NPL: variants seen among roughly 807,000 people sequenced by gnomAD.
The protein encoded by NPL is N-acetylneuraminate lyase.
A neutral mutation model predicts 41.1 loss-of-function variants in NPL; 32 were observed. The observed-to-expected ratio is 0.78, with a 90% CI of 0.59 to 1.05. NPL has a LOEUF of 1.05. Among genes scored for constraint, NPL ranks in the 50% least tolerant of loss-of-function variants. NPL has a pLI of 0.00. For synonymous variants in NPL, 128 were observed against 134.9 expected, an observed-to-expected ratio of 0.95 and a Z score of 0.35; for missense variants, 321 against 378.4, an observed-to-expected ratio of 0.85 and a Z score of 1.26.
chr1:182,816,057 C>G (rs1178102939), intron 7 of NPL, among the ~76,000 whole-genome samples: 2 of 152,184 alleles, frequency 1.3e-5, no homozygotes, highest in Admixed American at 1.3e-4. Flanking sequence ...TAAAATTCTC[C>G]TATTACCCAG....
At chr1:182,798,233 C>CTTT (rs58974453) in intron 3 of NPL, among the ~76,000 whole-genome samples, 17 of 130,008 alleles carry the variant, frequency 1.3e-4, no homozygotes, top group Admixed American at 3.9e-4. Flanking sequence ...GAAAGACTTG[C>CTTT]TTTTTTTTTT....
Position 182,830,239 on chromosome 1 carries a change from TG to T in NPL, c.*1332del, listed in dbSNP as rs1317001082. On this transcript the variant is annotated 3_prime_UTR_variant, in exon 13 of 13. Transcript: ENST00000367553. ...ATATCCTCAACCCTCTTTTTGCCTT[TG>T]TAGCTTTTAATTTCCTGAAAGAAGA... The T allele has an allele frequency of 1.3e-5, 2 of 152,264 alleles. No homozygotes were observed. The highest frequency in any genetic ancestry group is 4.8e-5 in the African/African-American group (2 of 41,466). 9.4% of individuals were successfully genotyped at this position (152,264 alleles called of 1,614,324 possible).
At chr1:182,823,310 A>G (rs2102566929) in intron 11 of NPL, among the ~76,000 whole-genome samples, 1 of 152,318 alleles carries the variant, frequency 6.6e-6, no homozygotes, top group South Asian at 2.1e-4. Context: ...TCAGAAGTAC[A>G]AAGTATCCTG....
In NPL at chr1:182,807,808, G is replaced by A. The variant is rs563151104; in HGVS notation, c.230+1576G>A. Among the ~76,000 whole-genome samples the A allele has an allele frequency of 1.8e-3, 264 of 149,928 alleles. 1 individual carries two copies. Among genetic ancestry groups the A allele is most frequent in the Middle Eastern group, 3.4e-3 (1 of 292 alleles). On this transcript the variant is annotated intron_variant, in intron 5 of 12. Transcript: ENST00000367553. ...CAGGAGGCTGAGGCAGGAGAATGGC[G>A]TGAACCTGGGAGGTGGAGCTTGCAA...
At position 182,792,713 on chromosome 1, in the gene NPL, G is replaced by A. The variant is rs138804248; in HGVS notation, c.-17+427G>A. On this transcript the variant is annotated intron_variant, in intron 2 of 12. Transcript: ENST00000367553. ...CAGAGCAAAGCTACATGCAGGACTTGGTCTTGATTTTAGGAGCAACTCTTG... is the reference window on the plus strand; with the variant it reads ...CAGAGCAAAGCTACATGCAGGACTTAGTCTTGATTTTAGGAGCAACTCTTG... Among the ~76,000 whole-genome samples, 1,078 of 152,308 alleles carry A rather than the reference G, an allele frequency of 7.1e-3. 5 individuals are homozygous for A. Among genetic ancestry groups the A allele is most frequent in the Middle Eastern group, 0.024 (7 of 294 alleles).
At chr1:182,803,366 C>T (rs763176008) in intron 3 of NPL, among the ~76,000 whole-genome samples, 4 of 152,182 alleles carry the variant, frequency 2.6e-5, no homozygotes, top group Non-Finnish European at 5.9e-5. Flanking sequence ...GATGTGTGGC[C>T]ATATGGACTT....
At chr1:182,796,351 G>A (rs1448071071) in intron 3 of NPL, among the ~76,000 whole-genome samples, 1 of 151,800 alleles carries the variant, frequency 6.6e-6, no homozygotes, top group African/African-American at 2.4e-5. Context: ...GAACACGTAG[G>A]CTTTAATGTA....
chr1:182,824,470 A>C (rs1486658332), intron 11 of NPL, among the ~76,000 whole-genome samples: 1 of 152,202 alleles, frequency 6.6e-6, no homozygotes, highest in African/African-American at 2.4e-5. Context: ...TTAAATATAA[A>C]ATGTTATTGA....
intron 8 of NPL, among the ~76,000 whole-genome samples, chr1:182,817,818 C>T (rs12080837): frequency 0.081 from 12,370 of 152,260 alleles, 1,349 homozygotes; most frequent in African/African-American, 0.25. Context: ...TGGAGTTTCA[C>T]GCCCTCTCTG....
chr1:182,829,321 A>G lies in NPL; in HGVS notation c.*413A>G. On this transcript the variant is annotated 3_prime_UTR_variant, in exon 13 of 13. Coordinates refer to ENST00000367553, the MANE Select transcript of NPL (RefSeq NM_030769.3). The stretch of plus-strand genomic sequence containing the variant: ...TAAATATTCATTTGGAATCTAGGAA[A>G]ACTCTGAGCTACTGCATTTAGGCAG... 8.2e-7 allele frequency: 1 copy of G among 1,212,586 alleles called. No homozygotes were observed. The highest frequency in any genetic ancestry group is 1.0e-6 in the Non-Finnish European group (1 of 972,344). The allele number at this position is 1,212,586 out of a possible 1,614,324, so 75.1% of individuals were successfully genotyped here. A position where few individuals can be genotyped will look rare whatever the true frequency, so the allele number is the denominator to read the frequency against.
chr1:182,822,229 A>C (rs1249219990), intron 11 of NPL, 30 bp downstream of exon 11: 1 of 1,467,284 alleles, frequency 6.8e-7, no homozygotes, highest in Non-Finnish European at 9.6e-7. Context: ...CCCATAAATC[A>C]CAGCCTTTTT....
At chr1:182,808,439 G>A (rs568472349) in intron 5 of NPL, among the ~76,000 whole-genome samples, 1 of 152,290 alleles carries the variant, frequency 6.6e-6, no homozygotes, top group Admixed American at 6.5e-5. Flanking sequence ...CTGCAGTTGA[G>A]TTATAGAATG....
At position 182,826,019 on chromosome 1, in the gene NPL, C is replaced by A. The variant is rs141584924; in HGVS notation, c.778+199C>A. 1.0e-3 allele frequency: 639 copies of A among 633,420 alleles called. 3 individuals are homozygous for A. In the African/African-American group the frequency reaches 0.01, roughly 10 times the overall value. 39.2% of individuals were successfully genotyped at this position (633,420 alleles called of 1,614,324 possible). On this transcript the variant is annotated intron_variant, in intron 12 of 12. Coordinates refer to ENST00000367553, the MANE Select transcript of NPL (RefSeq NM_030769.3). ...TAGTTGGAAAATCTTTGGCAACCTT[C>A]TCCATTTTAGCACATGCCTACCCCA...
At chr1:182,803,675 C>T (rs770287906) in intron 3 of NPL, 23 bp from the exon 4 acceptor site, 1 of 1,549,126 alleles carries the variant, frequency 6.5e-7, no homozygotes, top group Non-Finnish European at 8.9e-7. Context: ...CTAAATATGC[C>T]TTTTTTTCCA....
chr1:182,816,851 A>T, intron 8 of NPL, 45 bp downstream of exon 8: 1 of 1,443,566 alleles, frequency 6.9e-7, no homozygotes, highest in Non-Finnish European at 9.7e-7. Context: ...CAACTCTCAC[A>T]TCTTACCCTA....
chr1:182,815,178 C>A (rs957979937), intron 7 of NPL, among the ~76,000 whole-genome samples: 2 of 151,774 alleles, frequency 1.3e-5, no homozygotes, highest in Non-Finnish European at 2.9e-5. Flanking sequence ...CATGGCAAAG[C>A]ATGGGACCAT....
chr1:182,808,536 C>T (rs1334127434), intron 5 of NPL, among the ~76,000 whole-genome samples: 3 of 152,066 alleles, frequency 2.0e-5, no homozygotes, highest in Non-Finnish European at 4.4e-5. Context: ...TGGAGTCATA[C>T]ATTAGGAAGG....
At chr1:182,803,846 C>A in intron 4 of NPL, 75 bp downstream of exon 4, 1 of 1,038,630 alleles carries the variant, frequency 9.6e-7, no homozygotes, top group Non-Finnish European at 1.5e-6. Context: ...TGGTTACCAG[C>A]CAAGAGGTCA....
intron 6 of NPL, 119 bp from the exon 7 acceptor site, chr1:182,814,664 C>A (rs1667272112): frequency 1.2e-6 from 1 of 856,338 alleles, no homozygotes; most frequent in Non-Finnish European, 1.9e-6. Context: ...AATTTTCCCA[C>A]TTTCCAGTGG....
Sources: allele counts gnomAD v4.1 joint callset (sites outside exome capture counted in the v4.1 genomes callset), GRCh38; gene constraint gnomAD v4.1.1; transcripts MANE v1.5; gene names NCBI Gene and HGNC (gene_info 2026-07-23, HGNC 2026-07-21).